Variants in KDM2A observed in about 807,000 individuals in gnomAD.
The protein encoded by KDM2A is lysine demethylase 2A, also known as lysine-specific demethylase 2A.
A neutral mutation model predicts 137.3 loss-of-function variants in KDM2A; 3 were observed. That is an observed-to-expected ratio of 0.02 (90% CI 0.01 to 0.06). KDM2A has a LOEUF of 0.06. KDM2A is among the 10% of genes least tolerant of loss of function. The pLI is 1.00. For synonymous variants in KDM2A, 512 were observed against 541.5 expected, an observed-to-expected ratio of 0.95 and a Z score of 0.76; for missense variants, 738 against 1,510.6, an observed-to-expected ratio of 0.49 and a Z score of 8.48.
intron 10 of KDM2A, among the ~76,000 whole-genome samples, chr11:67,224,352 C>G (rs544072647): frequency 1.3e-5 from 2 of 152,146 alleles, no homozygotes; most frequent in East Asian, 3.9e-4. Flanking sequence ...TGCCTATAAT[C>G]CCAAGTACTT....
rs1203980978 is a variant in KDM2A, at chr11:67,169,692, TTTTC to T, written c.43-10379_43-10376del. Among the ~76,000 whole-genome samples, 34 of 150,912 alleles carry T rather than the reference TTTTC, an allele frequency of 2.3e-4. 1 individual carries two copies. The South Asian group carries it at 6.7e-3, about 30-fold the overall frequency. ...CGCTCAGCCCATCACTTGGTTTCTTTTTTCTTTCTTTTTTCTTTTTTCTTCTCTC... is the reference window on the plus strand; with the variant it reads ...CGCTCAGCCCATCACTTGGTTTCTTTTTTCTTTTTTCTTTTTTCTTCTCTC... On this transcript the variant is annotated intron_variant, in intron 2 of 20. Transcript: ENST00000529006.
chr11:67,119,364 G>T lies in KDM2A; in HGVS notation c.-769G>T. On this transcript the variant is annotated 5_prime_UTR_variant, in exon 1 of 21. Transcript: ENST00000529006. The stretch of plus-strand genomic sequence containing the variant: ...CCCCGGCAGCGGCGGCGGCGGCGGC[G>T]GCTCTCGGAGCACCTTCCCAGCGGC... The T allele has an allele frequency of 6.0e-6, 1 of 165,292 alleles. No individual in the cohort carries two copies. The highest frequency in any genetic ancestry group is 1.3e-5 in the Non-Finnish European group (1 of 78,034). 10.2% of individuals were successfully genotyped at this position (165,292 alleles called of 1,614,324 possible).
rs559855890 is a variant in KDM2A at position 67,251,018 on chromosome 11, A to G, written c.2768+220A>G. On this transcript the variant is annotated intron_variant, in intron 17 of 20. Coordinates refer to ENST00000529006, the MANE Select transcript of KDM2A (RefSeq NM_012308.3). Reference sequence around the variant, plus strand: ...GCCATTTGCCTCCTGGCCCTGCTCTATACTTTCCCATGTCTCATTGTTATG... The same window carrying G: ...GCCATTTGCCTCCTGGCCCTGCTCTGTACTTTCCCATGTCTCATTGTTATG... Among the ~76,000 whole-genome samples the G allele has an allele frequency of 2.6e-5, 4 of 152,274 alleles. No homozygotes were observed. In the South Asian group the frequency reaches 6.2e-4, roughly 24 times the overall value.
chr11:67,154,917 C>T (rs2136310462), intron 2 of KDM2A, among the ~76,000 whole-genome samples: 1 of 152,352 alleles, frequency 6.6e-6, no homozygotes, highest in East Asian at 1.9e-4. Flanking sequence ...TTCATTCAGC[C>T]ACTGATGGAC....
intron 2 of KDM2A, among the ~76,000 whole-genome samples, chr11:67,152,262 G>A (rs559122158): frequency 7.4e-4 from 113 of 151,810 alleles, no homozygotes; most frequent in African/African-American, 2.7e-3. Context: ...GCAGTGAGCC[G>A]AGATTGCACC....
Position 67,180,175 on chromosome 11 carries a change from A to G in KDM2A, c.139A>G (p.Asn47Asp), listed in dbSNP as rs1857058466. 1.2e-6 allele frequency: 2 copies of G among 1,613,776 alleles called. No individual in the cohort carries two copies. The highest frequency in any genetic ancestry group is 1.7e-6 in the Non-Finnish European group (2 of 1,179,848). Residue 47 changes from asparagine to aspartate, a missense_variant, in exon 3 of 21, where the codon AAC (asparagine) becomes GAC (aspartate). Transcript: ENST00000529006. ...TFDLEEKLHT[N>D]KYNANFVTFM... ...TGACTTGGAAGAGAAACTGCACACC[A>G]ACAAATATAATGCCAATTTTGTTAC... is the stretch of plus-strand genomic sequence containing the variant.
Position 67,245,860 on chromosome 11 carries a change from C to T in KDM2A, c.1834-125C>T. On this transcript the variant is annotated intron_variant, in intron 14 of 20. Transcript: ENST00000529006. The surrounding 1 kb of genome is among the most constrained non-coding windows in gnomAD (Gnocchi z 4.1). ...AAAACCTCCGTTCTCTCCACCCTGC[C>T]TCCATGCTTCCAGGTGTTTAGTAGA... 8.7e-7 allele frequency: 1 copy of T among 1,149,718 alleles called. No homozygotes were observed. Among genetic ancestry groups the T allele is most frequent in the Non-Finnish European group, 1.2e-6 (1 of 814,372 alleles). 71.2% of individuals were successfully genotyped at this position (1,149,718 alleles called of 1,614,324 possible).
chr11:67,180,811 C>T (rs530934800), intron 3 of KDM2A, among the ~76,000 whole-genome samples: 2 of 151,892 alleles, frequency 1.3e-5, no homozygotes, highest in South Asian at 4.2e-4. Context: ...TGCCACCACA[C>T]CCGGCTAATT....
chr11:67,216,110 G>A (rs1858151581), intron 8 of KDM2A, among the ~76,000 whole-genome samples, 161 bp downstream of exon 8: 1 of 152,184 alleles, frequency 6.6e-6, no homozygotes, highest in African/African-American at 2.4e-5. Flanking sequence ...CTTGGCTAGT[G>A]TTCAGTAGAA....
At position 67,241,454 on chromosome 11, in the gene KDM2A, C is replaced by G. The variant is rs1014292279; in HGVS notation, c.1480-1555C>G. 3.3e-5 allele frequency among the ~76,000 whole-genome samples: 5 copies of G among 150,528 alleles called. No homozygotes were observed. The Admixed American group carries it at 3.3e-4, about 10-fold the overall frequency. On this transcript the variant is annotated intron_variant, in intron 12 of 20. Transcript: ENST00000529006. The stretch of plus-strand genomic sequence containing the variant: ...TGAGTGAAAGGGTCTTTCTGAGACC[C>G]AACTTTGGGATTTGGAGCAGGATCC...
In KDM2A at chr11:67,176,076, T is replaced by C. The variant is rs554726353; in HGVS notation, c.43-4003T>C. ...GTGAAGTCTTATCAAAATTAAACCT[T>C]CTTTTGGCTTTTGAACTGTGATTTG... On this transcript the variant is annotated intron_variant, in intron 2 of 20. Coordinates refer to ENST00000529006, the MANE Select transcript of KDM2A (RefSeq NM_012308.3). Among the ~76,000 whole-genome samples the C allele has an allele frequency of 5.9e-5, 9 of 152,308 alleles. No individual in the cohort carries two copies. The East Asian group carries it at 1.5e-3, about 26-fold the overall frequency.
At chr11:67,144,178 C>CA (rs1265558026) in intron 2 of KDM2A, among the ~76,000 whole-genome samples, 4 of 151,594 alleles carry the variant, frequency 2.6e-5, no homozygotes, top group African/African-American at 9.7e-5. Context: ...CTCCTGATGT[C>CA]ACGTGATCTG....
intron 2 of KDM2A, among the ~76,000 whole-genome samples, chr11:67,155,472 G>A (rs975747190): frequency 6.6e-6 from 1 of 151,804 alleles, no homozygotes; most frequent in African/African-American, 2.4e-5. Flanking sequence ...CCTTGGCTAA[G>A]TTTTAAATTG....
At chr11:67,181,275 T>C in intron 3 of KDM2A, 45 bp from the exon 4 acceptor site, 2 of 1,326,748 alleles carry the variant, frequency 1.5e-6, no homozygotes, top group Non-Finnish European at 2.1e-6. Flanking sequence ...TTTTATCGTT[T>C]TTAATTATAC....
intron 5 of KDM2A, 31 bp downstream of exon 5, chr11:67,181,923 A>C: frequency 6.3e-7 from 1 of 1,597,314 alleles, no homozygotes; most frequent in Non-Finnish European, 8.6e-7. Context: ...CTCTGTCTTT[A>C]AGGCAAAGAT....
chr11:67,249,495 T>C, intron 16 of KDM2A, among the ~76,000 whole-genome samples: 1 of 152,198 alleles, frequency 6.6e-6, no homozygotes, highest in African/African-American at 2.4e-5. Flanking sequence ...TGTCATAGCA[T>C]AGTCATAGTG....
At chr11:67,228,203 A>C (rs540369142) in intron 11 of KDM2A, 40 bp downstream of exon 11, 122 of 1,603,432 alleles carry the variant, frequency 7.6e-5, no homozygotes, top group Non-Finnish European at 1.0e-4. Context: ...GACACCGCTT[A>C]GGTCTGAGGG....
At chr11:67,213,446 TTTTTCAGCCAGTATTATTTAAAAGA>T (rs1192316271) in intron 6 of KDM2A, among the ~76,000 whole-genome samples, 2 of 152,138 alleles carry the variant, frequency 1.3e-5, no homozygotes, top group Admixed American at 6.6e-5. Context: ...ACTTCTCTTT[TTTTTCAGCCAGTATTATTTAAAAGA>T]TTCCTGGCCG....
intron 2 of KDM2A, among the ~76,000 whole-genome samples, chr11:67,124,683 G>T (rs1375347700): frequency 1.4e-5 from 2 of 139,480 alleles, no homozygotes; most frequent in Non-Finnish European, 3.1e-5. Flanking sequence ...AAGTACTCTT[G>T]ACTTTTGTCT....
Sources: allele counts gnomAD v4.1 joint callset (sites outside exome capture counted in the v4.1 genomes callset), GRCh38; gene constraint gnomAD v4.1.1; non-coding constraint Gnocchi (gnomAD v3.1); transcripts MANE v1.5; gene names NCBI Gene and HGNC (gene_info 2026-07-23, HGNC 2026-07-21).